ELAC2: variants seen among roughly 807,000 people sequenced by gnomAD.
ELAC2 encodes elaC ribonuclease Z 2.
ELAC2 carries 92 observed loss-of-function variants against 105.2 expected under a neutral mutation model. The ratio of observed to expected loss-of-function variants is 0.87; its 90% CI spans 0.74 to 1.04. The LOEUF (loss-of-function observed/expected upper bound fraction) is 1.04, where lower values mean the gene tolerates loss of function less well. ELAC2 is among the 50% of genes least tolerant of loss of function. ELAC2 has a pLI of 0.00. For synonymous variants in ELAC2, 468 were observed against 409.1 expected (o/e 1.14, Z -1.74); for missense variants, 1,099 against 1,071.7 (o/e 1.03, Z -0.36).
In ELAC2 at chr17:12,995,689, C is replaced by T. The variant is rs1180566665; in HGVS notation, c.1808+14G>A. ...AGCAACAGCCCAGCGGGCCAGGCTG[C>T]CCTGGATGCTCACCTGATGTGGTGC... is the stretch of plus-strand genomic sequence containing the variant. On this transcript the variant is annotated intron_variant, in intron 19 of 23. Transcript: ENST00000338034. The T allele has an allele frequency of 1.2e-6, 2 of 1,602,826 alleles. No homozygotes were observed. The highest frequency in any genetic ancestry group is 1.7e-6 in the Non-Finnish European group (2 of 1,175,000).
intron 14 of ELAC2, 89 bp downstream of exon 14, chr17:13,002,185 A>G (rs2040845058): frequency 1.4e-6 from 2 of 1,383,342 alleles, no homozygotes; most frequent in East Asian, 4.6e-5. Flanking sequence ...TGGTCTGGAG[A>G]GCCTCCTGGA....
At chr17:12,994,677 C>CA (rs2143553704) in intron 21 of ELAC2, 87 bp downstream of exon 21, 1 of 1,610,952 alleles carries the variant, frequency 6.2e-7, no homozygotes, top group African/African-American at 1.3e-5. Flanking sequence ...CCTCTGCTGA[C>CA]GTTTCCCTGC....
intron 11 of ELAC2, chr17:13,003,860 ACTCATACGG>A (rs548728778): frequency 1.5e-4 from 64 of 428,204 alleles, no homozygotes; most frequent in African/African-American, 9.3e-4. Flanking sequence ...TACCCTCTCC[ACTCATACGG>A]GTCCAACCTG....
chr17:13,012,367 C>A (rs1000095240), intron 6 of ELAC2, among the ~76,000 whole-genome samples: 4 of 152,194 alleles, frequency 2.6e-5, no homozygotes, highest in African/African-American at 9.6e-5. Flanking sequence ...CAGGTGGATG[C>A]AACTCAGGCT....
In ELAC2 at chr17:12,991,708, C is replaced by G. The variant is rs555291260; in HGVS notation, c.*1110G>C. The G allele has an allele frequency of 9.5e-6, 2 of 210,216 alleles. No homozygotes were observed. The highest frequency in any genetic ancestry group is 1.4e-4 in the East Asian group (2 of 13,968). The allele number at this position is 210,216 out of a possible 1,614,324, so 13.0% of individuals were successfully genotyped here. ...ATGGCCGTCAATCTCAAATGCACAC[C>G]GGGATGGAGCCTGAAGGTCACCACC... On this transcript the variant is annotated 3_prime_UTR_variant, in exon 24 of 24. Coordinates refer to ENST00000338034, the MANE Select transcript of ELAC2 (RefSeq NM_018127.7).
In ELAC2 at chr17:13,017,232, T is replaced by A. The variant is rs527321369; in HGVS notation, c.246-111A>T. Reference sequence around the variant, plus strand: ...TGGAAAAAAAAAAAAGAAAAAAAAATTAAAAGTCCACGTTGGACTACCGAG... The same window carrying A: ...TGGAAAAAAAAAAAAGAAAAAAAAAATAAAAGTCCACGTTGGACTACCGAG... On this transcript the variant is annotated intron_variant, in intron 1 of 23. Coordinates refer to ENST00000338034, the MANE Select transcript of ELAC2 (RefSeq NM_018127.7). The A allele has an allele frequency of 5.9e-6, 7 of 1,188,884 alleles. No homozygotes were observed. The Admixed American group carries it at 7.4e-5, about 13-fold the overall frequency. 73.6% of individuals were successfully genotyped at this position (1,188,884 alleles called of 1,614,324 possible). A position where few individuals can be genotyped will look rare whatever the true frequency, so the allele number is the denominator to read the frequency against.
intron 8 of ELAC2, 122 bp downstream of exon 8, chr17:13,010,491 C>T: frequency 1.1e-6 from 1 of 904,452 alleles, no homozygotes; most frequent in Non-Finnish European, 1.8e-6. Flanking sequence ...TTCTGAAGAT[C>T]TGCTATCTCT....
chr17:13,003,393 C>G lies in ELAC2; in HGVS notation c.1079+86G>C. 3 of 1,251,828 alleles carry G rather than the reference C, an allele frequency of 2.4e-6. No homozygotes were observed. In the South Asian group the frequency reaches 3.6e-5, roughly 15 times the overall value. 77.5% of individuals were successfully genotyped at this position (1,251,828 alleles called of 1,614,324 possible). Reference sequence around the variant, plus strand: ...TAGGCAGGTGCAGAAGGGTAGGTAGCGCTGGAAAGAGCACGAGGGGAGGAA... The same window carrying G: ...TAGGCAGGTGCAGAAGGGTAGGTAGGGCTGGAAAGAGCACGAGGGGAGGAA... On this transcript the variant is annotated intron_variant, in intron 12 of 23. Coordinates refer to ENST00000338034, the MANE Select transcript of ELAC2 (RefSeq NM_018127.7).
At chr17:13,016,771 G>C in intron 3 of ELAC2, 91 bp downstream of exon 3, 4 of 1,054,036 alleles carry the variant, frequency 3.8e-6, no homozygotes, top group Non-Finnish European at 5.6e-6. Context: ...AAAAAAAGTA[G>C]CTGCCCACCC....
chr17:13,002,790 T>C, intron 12 of ELAC2: 2 of 712,192 alleles, frequency 2.8e-6, no homozygotes, highest in Middle Eastern at 4.0e-4. Flanking sequence ...TCAGGTGTGC[T>C]GGGAAGAGTG....
intron 14 of ELAC2, among the ~76,000 whole-genome samples, chr17:13,001,946 C>T (rs1384142472): frequency 6.6e-6 from 1 of 152,170 alleles, no homozygotes; most frequent in Non-Finnish European, 1.5e-5. Flanking sequence ...CACACATTTC[C>T]TATTTTCTAT....
At chr17:13,006,525 C>T (rs1034571554) in intron 8 of ELAC2, 1 of 164,884 alleles carries the variant, frequency 6.1e-6, no homozygotes, top group African/African-American at 2.4e-5. Context: ...TGTTTTATTT[C>T]CCAGCATTAA....
At chr17:13,003,638 C>T (rs189752142) in intron 11 of ELAC2, 64 bp from the exon 12 acceptor site, 207 of 1,469,962 alleles carry the variant, frequency 1.4e-4, no homozygotes, top group South Asian at 9.1e-4. Context: ...ACAGGGACCA[C>T]GCAGCCAGGG....
chr17:12,998,924 C>T (rs1004245948), intron 15 of ELAC2, among the ~76,000 whole-genome samples: 10 of 152,224 alleles, frequency 6.6e-5, no homozygotes, highest in African/African-American at 2.4e-4. Flanking sequence ...ACCTTCAATT[C>T]TCAGCCCGCA....
In ELAC2 at chr17:12,991,794, CTT is replaced by C. The variant is rs1880469417; in HGVS notation, c.*1022_*1023del. ...GCTTGTCTTTTGAGTTTTTAAAGCT[CTT>C]CTTTTTACATTCTCCTGGGTAGGGA... On this transcript the variant is annotated 3_prime_UTR_variant, in exon 24 of 24. Coordinates refer to ENST00000338034, the MANE Select transcript of ELAC2 (RefSeq NM_018127.7). 8.4e-6 allele frequency among the ~76,000 whole-genome samples: 1 copy of C among 119,572 alleles called. No individual in the cohort carries two copies. The highest frequency in any genetic ancestry group is 2.0e-5 in the Non-Finnish European group (1 of 50,732). The allele number at this position is 119,572 out of a possible 152,430, so 78.4% of individuals were successfully genotyped here.
intron 19 of ELAC2, 27 bp from the exon 20 acceptor site, chr17:12,995,089 G>A (rs2040404322): frequency 6.2e-7 from 1 of 1,609,030 alleles, no homozygotes; most frequent in South Asian, 1.1e-5. Context: ...CATTTAAAAT[G>A]ATAATAAACG....
chr17:13,000,595 C>T (rs1230784000), intron 14 of ELAC2: 1 of 394,522 alleles, frequency 2.5e-6, no homozygotes, highest in African/African-American at 2.1e-5. Context: ...ACCTCCTAGG[C>T]TGTGACAACC....
intron 19 of ELAC2, 74 bp downstream of exon 19, chr17:12,995,629 G>C (rs1158785103): frequency 1.4e-6 from 2 of 1,420,602 alleles, no homozygotes; most frequent in East Asian, 4.9e-5. Flanking sequence ...AACTACCCCA[G>C]TGTCCACCTT....
rs1184986931 is a variant in ELAC2 at position 13,015,755 on chromosome 17, AG to A, written c.432+12del. On this transcript the variant is annotated intron_variant, in intron 4 of 23. Coordinates refer to ENST00000338034, the MANE Select transcript of ELAC2 (RefSeq NM_018127.7). ...AAAGATTGCTTTTGAAAGATGTGTC[AG>A]GAAAGACTCACCAGTTGTGGAGGTC... 3.1e-6 allele frequency: 5 copies of A among 1,609,966 alleles called. No individual in the cohort carries two copies. In the African/African-American group the frequency reaches 5.3e-5, roughly 17 times the overall value.
Sources: gnomAD v4.1 joint callset for allele counts (sites outside exome capture counted in the v4.1 genomes callset) on GRCh38, gnomAD v4.1.1 for gene constraint, MANE v1.5 for transcripts, NCBI Gene and HGNC (gene_info 2026-07-23, HGNC 2026-07-21) for gene names.